Variants in KIAA0319L observed in about 807,000 individuals in gnomAD.
KIAA0319L encodes KIAA0319 like.
Under a neutral mutation model 120.1 loss-of-function variants are expected in KIAA0319L, and 55 were observed. The ratio of observed to expected loss-of-function variants is 0.46; its 90% CI spans 0.37 to 0.57. KIAA0319L has a LOEUF of 0.57. Ranked by LOEUF, KIAA0319L falls within the 20% of genes least tolerant of loss-of-function variation. KIAA0319L has a pLI of 0.00. For missense variants in KIAA0319L, 1,049 were observed against 1,255.3 expected (o/e 0.84, Z 2.48); for synonymous variants, 398 against 471.9 (o/e 0.84, Z 2.03).
Position 35,474,874 on chromosome 1 carries a change from T to C in KIAA0319L, c.946A>G (p.Ser316Gly). The change falls in exon 5 of 21, where the codon AGT becomes GGT. Residue 316 changes from serine to glycine, a missense_variant. Transcript: ENST00000325722. ...TTCTTAGGCAGGGTTATCTGGACACTCTCTCCAGCAGATACCACCAGTTCC... is the reference window on the plus strand; with the variant it reads ...TTCTTAGGCAGGGTTATCTGGACACCCTCTCCAGCAGATACCACCAGTTCC... ...IKELVVSAGE[S>G]VQITLPKNEV... 6.2e-7 allele frequency: 1 copy of C among 1,609,634 alleles called. No homozygotes were observed. The highest frequency in any genetic ancestry group is 8.5e-7 in the Non-Finnish European group (1 of 1,176,330).
intron 2 of KIAA0319L, among the ~76,000 whole-genome samples, chr1:35,522,085 T>C (rs1645943996): frequency 1.3e-5 from 2 of 152,160 alleles, no homozygotes; most frequent in Non-Finnish European, 1.5e-5. Flanking sequence ...GGATACATTA[T>C]GTGGGGAGGA....
In KIAA0319L at chr1:35,501,220, A is replaced by G. The variant is rs1208149706; in HGVS notation, c.666+5392T>C. Among the ~76,000 whole-genome samples the G allele has an allele frequency of 2.0e-5, 3 of 152,210 alleles. 1 individual carries two copies. The highest frequency in any genetic ancestry group is 4.4e-5 in the Non-Finnish European group (3 of 68,038). ...ACATCCTCAGGATCTTCCTTCCAGC[A>G]TACACCTGAATTCTGTAAGACCCAA... On this transcript the variant is annotated intron_variant, in intron 3 of 20. Transcript: ENST00000325722.
At chr1:35,549,361 G>C (rs1244899786) in intron 2 of KIAA0319L, among the ~76,000 whole-genome samples, 2 of 152,092 alleles carry the variant, frequency 1.3e-5, no homozygotes. Context: ...CTTGCTACTG[G>C]TAGTTATTCC....
At chr1:35,492,745 A>C (rs1644645398) in intron 3 of KIAA0319L, among the ~76,000 whole-genome samples, 1 of 152,208 alleles carries the variant, frequency 6.6e-6, no homozygotes, top group South Asian at 2.1e-4. Flanking sequence ...AATTCCCTAC[A>C]GCTGATGAAA....
At position 35,486,737 on chromosome 1, in the gene KIAA0319L, C is replaced by CAAAAAAAAAAAAAA. The variant is rs4045085; in HGVS notation, c.667-7539_667-7526dup. ...ACAACATAGCGAGACCCCATTTCTACAAAAAAAAAAAAAAAAAATTATAAT... is the reference window on the plus strand; with the variant it reads ...ACAACATAGCGAGACCCCATTTCTACAAAAAAAAAAAAAAAAAAAAAAAAAAAAAAAATTATAAT... On this transcript the variant is annotated intron_variant, in intron 3 of 20. Coordinates refer to ENST00000325722, the MANE Select transcript of KIAA0319L (RefSeq NM_024874.5). Among the ~76,000 whole-genome samples, 87 of 86,892 alleles carry CAAAAAAAAAAAAAA rather than the reference C, an allele frequency of 1.0e-3. 5 individuals carry two copies. Among genetic ancestry groups the CAAAAAAAAAAAAAA allele is most frequent in the African/African-American group, 3.4e-3 (73 of 21,180 alleles). 57.0% of individuals were successfully genotyped at this position (86,892 alleles called of 152,430 possible).
At chr1:35,526,970 C>A (rs1646172566) in intron 2 of KIAA0319L, among the ~76,000 whole-genome samples, 1 of 152,162 alleles carries the variant, frequency 6.6e-6, no homozygotes, top group Non-Finnish European at 1.5e-5. Flanking sequence ...CCCAGCTACT[C>A]AGCAGGCTGA....
chr1:35,530,753 G>A (rs553130702), intron 2 of KIAA0319L, among the ~76,000 whole-genome samples: 5 of 152,154 alleles, frequency 3.3e-5, no homozygotes, highest in Non-Finnish European at 7.3e-5. Context: ...TCTTACAGAT[G>A]TATCTACAGT....
At chr1:35,530,201 T>C (rs1447956229) in intron 2 of KIAA0319L, among the ~76,000 whole-genome samples, 1 of 139,732 alleles carries the variant, frequency 7.2e-6, no homozygotes, top group East Asian at 2.0e-4. Flanking sequence ...ATGCCCGGCC[T>C]TTTTTTTTTT....
chr1:35,504,798 C>A (rs530503810), intron 3 of KIAA0319L, among the ~76,000 whole-genome samples: 7 of 152,318 alleles, frequency 4.6e-5, no homozygotes, highest in African/African-American at 1.7e-4. Context: ...TGGTTTCCCA[C>A]TGATCTTCAG....
At chr1:35,475,449 TC>T (rs1416080801) in intron 4 of KIAA0319L, among the ~76,000 whole-genome samples, 4 of 152,126 alleles carry the variant, frequency 2.6e-5, no homozygotes, top group Non-Finnish European at 5.9e-5. Context: ...GCTACAAGAT[TC>T]ATTGTTCACA....
At chr1:35,548,204 T>C (rs1647057110) in intron 2 of KIAA0319L, among the ~76,000 whole-genome samples, 4 of 152,074 alleles carry the variant, frequency 2.6e-5, no homozygotes, top group Admixed American at 2.6e-4. Context: ...CTCTACTTGT[T>C]TGTATTGAAT....
At chr1:35,543,285 T>C (rs1484624142) in intron 2 of KIAA0319L, among the ~76,000 whole-genome samples, 1 of 152,228 alleles carries the variant, frequency 6.6e-6, no homozygotes, top group East Asian at 1.9e-4. Context: ...AAGTGACATG[T>C]ACTCAAGTCA....
intron 2 of KIAA0319L, among the ~76,000 whole-genome samples, chr1:35,522,024 G>A (rs1570940352): frequency 1.3e-5 from 2 of 151,742 alleles, no homozygotes; most frequent in African/African-American, 4.8e-5. Flanking sequence ...CCATGCAACC[G>A]CTAAAATAAA....
intron 2 of KIAA0319L, among the ~76,000 whole-genome samples, chr1:35,537,837 T>C (rs1646641826): frequency 6.6e-6 from 1 of 152,152 alleles, no homozygotes; most frequent in South Asian, 2.1e-4. Context: ...TTAAATTAAA[T>C]CAAAGCCAAT....
At position 35,466,706 on chromosome 1, in the gene KIAA0319L, G is replaced by T; in HGVS notation, c.1114-11C>A. On this transcript the variant is annotated splice_polypyrimidine_tract_variant and intron_variant, in intron 6 of 20. Coordinates refer to ENST00000325722, the MANE Select transcript of KIAA0319L (RefSeq NM_024874.5). ...CAGGCCTGGAGTGAGCTGCAGAAGT[G>T]AGAGAAGATCTCTTAGACAATCACA... 1 of 1,570,192 alleles carries T rather than the reference G, an allele frequency of 6.4e-7. No homozygotes were observed. Among genetic ancestry groups the T allele is most frequent in the Non-Finnish European group, 8.8e-7 (1 of 1,140,336 alleles).
chr1:35,549,049 T>C (rs965756721), intron 2 of KIAA0319L, among the ~76,000 whole-genome samples: 32 of 150,952 alleles, frequency 2.1e-4, no homozygotes, highest in African/African-American at 7.8e-4. Flanking sequence ...GTGCGTTGCA[T>C]CTTTTTTTTT....
chr1:35,531,433 T>C (rs1331873732), intron 2 of KIAA0319L, among the ~76,000 whole-genome samples: 2 of 151,998 alleles, frequency 1.3e-5, no homozygotes, highest in Non-Finnish European at 2.9e-5. Context: ...CAGGGGCTAT[T>C]GGGCCCCAGG....
At chr1:35,457,020 C>T (rs1178807771) in intron 9 of KIAA0319L, among the ~76,000 whole-genome samples, 2 of 152,064 alleles carry the variant, frequency 1.3e-5, no homozygotes, top group East Asian at 3.9e-4. Flanking sequence ...CTGATCCAGG[C>T]AATATGTCTC....
At chr1:35,503,203 A>G (rs1252553495) in intron 3 of KIAA0319L, among the ~76,000 whole-genome samples, 1 of 152,214 alleles carries the variant, frequency 6.6e-6, no homozygotes, top group African/African-American at 2.4e-5. Flanking sequence ...AAAAACAAGA[A>G]AGAGATGAGA....
Sources: gnomAD v4.1 joint callset for allele counts (sites outside exome capture counted in the v4.1 genomes callset) on GRCh38, gnomAD v4.1.1 for gene constraint, MANE v1.5 for transcripts, NCBI Gene and HGNC (gene_info 2026-07-23, HGNC 2026-07-21) for gene names.